Variants in KANK2 observed in about 807,000 individuals in gnomAD.
KANK2 encodes the protein KN motif and ankyrin repeat domain-containing protein 2.
Under a neutral mutation model 74.6 loss-of-function variants are expected in KANK2, and 41 were observed. The ratio of observed to expected loss-of-function variants is 0.55; its 90% CI spans 0.43 to 0.71. The LOEUF (loss-of-function observed/expected upper bound fraction) is 0.71. KANK2 is among the 30% of genes least tolerant of loss of function. KANK2 has a pLI of 0.00. For missense variants in KANK2, 1,148 were observed against 1,196.4 expected, an observed-to-expected ratio of 0.96 and a Z score of 0.60; for synonymous variants, 537 against 519.0, an observed-to-expected ratio of 1.03 and a Z score of -0.47.
At chr19:11,188,082 G>A (rs192720961) in intron 4 of KANK2, among the ~76,000 whole-genome samples, 3 of 152,322 alleles carry the variant, frequency 2.0e-5, no homozygotes, top group Non-Finnish European at 2.9e-5. Flanking sequence ...GGTTGAAGGT[G>A]GAGGCTGAAG....
chr19:11,194,461 C>T lies in KANK2; in HGVS notation c.37+14G>A. 3 of 1,608,052 alleles carry T rather than the reference C, an allele frequency of 1.9e-6. No individual in the cohort carries two copies. Among genetic ancestry groups the T allele is most frequent in the Non-Finnish European group, 2.6e-6 (3 of 1,176,432 alleles). On this transcript the variant is annotated intron_variant, in intron 3 of 12. Transcript: ENST00000586659. Reference sequence around the variant, plus strand: ...GCTCCCCGGGGCAGGGCCCTCTTCCCTGAGTCCCCTGACCTGGGAAGGGAG... The same window carrying T: ...GCTCCCCGGGGCAGGGCCCTCTTCCTTGAGTCCCCTGACCTGGGAAGGGAG...
chr19:11,164,710 T>TCATCCACC lies in KANK2; in HGVS notation c.*1847_*1848insGGTGGATG, dbSNP rs1760752306. 1.0e-5 allele frequency: 1 copy of TCATCCACC among 99,802 alleles called. No homozygotes were observed. The highest frequency in any genetic ancestry group is 2.8e-4 in the South Asian group (1 of 3,534). 6.2% of individuals were successfully genotyped at this position (99,802 alleles called of 1,614,324 possible). On this transcript the variant is annotated 3_prime_UTR_variant, in exon 13 of 13. Coordinates refer to ENST00000586659, the MANE Select transcript of KANK2 (RefSeq NM_001136191.3). ...TTACATGCAAACACCATCTATCTAT[T>TCATCCACC]CATCCATCCATCCATCCATCCATCC...
chr19:11,180,849 G>A (rs1337287957), intron 4 of KANK2, among the ~76,000 whole-genome samples: 1 of 152,028 alleles, frequency 6.6e-6, no homozygotes, highest in Non-Finnish European at 1.5e-5. Flanking sequence ...ACCTTGGGAG[G>A]CTGAGGTGGG....
At chr19:11,178,518 T>C in intron 5 of KANK2, 35 bp downstream of exon 5, 1 of 1,601,218 alleles carries the variant, frequency 6.2e-7, no homozygotes. Context: ...GCCATCCCGG[T>C]GCCCCGTCCC....
At chr19:11,181,117 T>G (rs1174882849) in intron 4 of KANK2, among the ~76,000 whole-genome samples, 1 of 103,426 alleles carries the variant, frequency 9.7e-6, no homozygotes, top group Non-Finnish European at 1.9e-5. Context: ...AAAAAAAAAA[T>G]TCTGGGAGAG....
At chr19:11,181,113 A>AAT (rs1555818110) in intron 4 of KANK2, among the ~76,000 whole-genome samples, 3 of 98,338 alleles carry the variant, frequency 3.1e-5, no homozygotes, top group African/African-American at 4.2e-5. Context: ...AAAAAAAAAA[A>AAT]AAATTCTGGG....
At chr19:11,176,871 T>C in intron 6 of KANK2, 54 bp from the exon 7 acceptor site, 5 of 1,482,836 alleles carry the variant, frequency 3.4e-6, no homozygotes, top group Non-Finnish European at 4.5e-6. Context: ...TGAGAAATGG[T>C]GGGAAAGGAA....
intron 4 of KANK2, among the ~76,000 whole-genome samples, chr19:11,186,863 G>C (rs530045248): frequency 6.6e-6 from 1 of 152,298 alleles, no homozygotes; most frequent in Non-Finnish European, 1.5e-5. Context: ...AAATCCTCTA[G>C]GAATGGGCAG....
chr19:11,188,504 C>A lies in KANK2; in HGVS notation c.1249+4327G>T, dbSNP rs547940746. ...ACAGGCATGAGCCACCACACCCGGC[C>A]CATGTAAATTCTTTTTTTTTTTTTT... On this transcript the variant is annotated intron_variant, in intron 4 of 12. Coordinates refer to ENST00000586659, the MANE Select transcript of KANK2 (RefSeq NM_001136191.3). 1.1e-4 allele frequency among the ~76,000 whole-genome samples: 16 copies of A among 151,500 alleles called. No homozygotes were observed. The South Asian group carries it at 3.3e-3, about 32-fold the overall frequency.
At chr19:11,178,782 C>A in intron 4 of KANK2, 62 bp from the exon 5 acceptor site, 2 of 1,428,112 alleles carry the variant, frequency 1.4e-6, no homozygotes, top group South Asian at 1.5e-5. Flanking sequence ...CACAGCCCTG[C>A]GGGTCATACA....
rs77323835 is a variant in KANK2 at position 11,183,580 on chromosome 19, C to T, written c.1250-4860G>A. Reference sequence around the variant, plus strand: ...CACAGCTCATTCCAGCTTCGAACTCCTCGGCTCAAGTGATCCTCCCACTTC... The same window carrying T: ...CACAGCTCATTCCAGCTTCGAACTCTTCGGCTCAAGTGATCCTCCCACTTC... On this transcript the variant is annotated intron_variant, in intron 4 of 12. Coordinates refer to ENST00000586659, the MANE Select transcript of KANK2 (RefSeq NM_001136191.3). Among the ~76,000 whole-genome samples the T allele has an allele frequency of 3.4e-3, 513 of 152,292 alleles. 7 individuals carry two copies. Among genetic ancestry groups the T allele is most frequent in the African/African-American group, 0.012 (495 of 41,550 alleles).
rs1422896712 is a variant in KANK2 at position 11,173,705 on chromosome 19, G to A, written c.2069-582C>T. Among the ~76,000 whole-genome samples the A allele has an allele frequency of 2.0e-5, 3 of 152,214 alleles. No individual in the cohort carries two copies. In the East Asian group the frequency reaches 5.8e-4, roughly 29 times the overall value. ...CGTGCCTCCCCCACCAGACTGGGAA[G>A]GAAGTGTCTCCTCCATCAGACTGGG... On this transcript the variant is annotated intron_variant, in intron 9 of 12. Transcript: ENST00000586659.
Position 11,193,816 on chromosome 19 carries a change from G to C in KANK2, c.264C>G (p.Cys88Trp). The part of the protein sequence containing the change: ...GSWWTSTESL[C>W]SNASGDSRHS... Reference sequence around the variant, plus strand: ...GGCGGCTGTCCCCACTGGCATTGGAGCACAGCGACTCAGTGGACGTCCACC... The same window carrying C: ...GGCGGCTGTCCCCACTGGCATTGGACCACAGCGACTCAGTGGACGTCCACC... The change falls in exon 4 of 13, where the codon TGC becomes TGG. Residue 88 changes from cysteine to tryptophan, a missense_variant. Physicochemically the swap from Cys to Trp is radical, Grantham distance 215. Coordinates refer to ENST00000586659, the MANE Select transcript of KANK2 (RefSeq NM_001136191.3). This position sits in a 1 kb window ranked among gnomAD's most constrained non-coding sequence, Gnocchi z 9.6. 6.2e-7 allele frequency: 1 copy of C among 1,612,700 alleles called. No individual in the cohort carries two copies. Among genetic ancestry groups the C allele is most frequent in the Non-Finnish European group, 8.5e-7 (1 of 1,179,670 alleles).
In KANK2 at chr19:11,193,121, G is replaced by A. The variant is rs764293000; in HGVS notation, c.959C>T (p.Pro320Leu). 24 of 1,606,044 alleles carry A rather than the reference G, an allele frequency of 1.5e-5. No individual in the cohort carries two copies. The highest frequency in any genetic ancestry group is 1.7e-4 in the Middle Eastern group (1 of 6,006). ...QADPQPQAWP[P>L]PDSPVRVDTV... Reference sequence around the variant, plus strand: ...ATCCACGCGGACCGGGCTGTCCGGCGGTGGCCAGGCCTGGGGCTGGGGGTC... The same window carrying A: ...ATCCACGCGGACCGGGCTGTCCGGCAGTGGCCAGGCCTGGGGCTGGGGGTC... The change falls in exon 4 of 13, where the codon CCG becomes CTG. Residue 320 changes from proline to leucine, a missense_variant. By Grantham distance (98) the Pro-to-Leu change is moderately conservative (BLOSUM62 -3). Coordinates refer to ENST00000586659, the MANE Select transcript of KANK2 (RefSeq NM_001136191.3). This position sits in a 1 kb window ranked among gnomAD's most constrained non-coding sequence, Gnocchi z 9.6.
chr19:11,174,110 C>T (rs977966483), intron 9 of KANK2, among the ~76,000 whole-genome samples: 1 of 151,026 alleles, frequency 6.6e-6, no homozygotes, highest in African/African-American at 2.4e-5. Flanking sequence ...GCCACATCCC[C>T]ACCACAATGA....
At position 11,194,466 on chromosome 19, in the gene KANK2, T is replaced by C. The variant is rs1030025703; in HGVS notation, c.37+9A>G. The stretch of plus-strand genomic sequence containing the variant: ...CCGGGGCAGGGCCCTCTTCCCTGAG[T>C]CCCCTGACCTGGGAAGGGAGCAGGC... On this transcript the variant is annotated intron_variant, in intron 3 of 12. Coordinates refer to ENST00000586659, the MANE Select transcript of KANK2 (RefSeq NM_001136191.3). 1.2e-6 allele frequency: 2 copies of C among 1,608,436 alleles called. No homozygotes were observed. Among genetic ancestry groups the C allele is most frequent in the African/African-American group, 2.7e-5 (2 of 74,748 alleles).
intron 1 of KANK2, chr19:11,197,140 G>A (rs1255285330): frequency 1.3e-5 from 2 of 152,454 alleles, no homozygotes; most frequent in African/African-American, 4.8e-5. Flanking sequence ...CAGAGCCGGG[G>A]AGGAACAGAG....
intron 10 of KANK2, among the ~76,000 whole-genome samples, chr19:11,171,288 T>TA (rs1052704887): frequency 2.0e-5 from 3 of 150,316 alleles, no homozygotes; most frequent in African/African-American, 4.9e-5. Flanking sequence ...ACCCCAACTC[T>TA]AAAAAAAAAT....
In KANK2 at chr19:11,170,328, T is replaced by C. The variant is rs2078140047; in HGVS notation, c.2212-80A>G. ...CCCCTGGTCTAGAACCTGCTGTAGC[T>C]CCCACATACTCTGATGGTGAAATGT... On this transcript the variant is annotated intron_variant, in intron 10 of 12. Coordinates refer to ENST00000586659, the MANE Select transcript of KANK2 (RefSeq NM_001136191.3). The surrounding 1 kb of genome is among the most constrained non-coding windows in gnomAD (Gnocchi z 5.2). The C allele has an allele frequency of 4.6e-6, 5 of 1,095,298 alleles. No individual in the cohort carries two copies. In the South Asian group the frequency reaches 6.8e-5, roughly 15 times the overall value. 67.8% of individuals were successfully genotyped at this position (1,095,298 alleles called of 1,614,324 possible). A position where few individuals can be genotyped will look rare whatever the true frequency, so the allele number is the denominator to read the frequency against.
Sources: allele counts gnomAD v4.1 joint callset (sites outside exome capture counted in the v4.1 genomes callset), GRCh38; gene constraint gnomAD v4.1.1; non-coding constraint Gnocchi (gnomAD v3.1); transcripts MANE v1.5; gene names NCBI Gene and HGNC (gene_info 2026-07-23, HGNC 2026-07-21).